KRI1: variants seen among roughly 807,000 people sequenced by gnomAD.
KRI1 encodes the protein KRI1 homolog.
In KRI1, 83 loss-of-function variants were observed where a neutral mutation model predicts 97.0. The observed-to-expected ratio is 0.86, with a 90% confidence interval of 0.72 to 1.03. The LOEUF (loss-of-function observed/expected upper bound fraction) is 1.03. Ranked by LOEUF, KRI1 falls within the 50% of genes least tolerant of loss-of-function variation. KRI1 has a pLI of 0.00. For missense variants in KRI1, 916 were observed against 928.4 expected, an observed-to-expected ratio of 0.99 and a Z score of 0.17; for synonymous variants, 371 against 363.5, an observed-to-expected ratio of 1.02 and a Z score of -0.23.
chr19:10,558,230 C>T lies in KRI1; in HGVS notation c.1204G>A (p.Gly402Arg). The T allele has an allele frequency of 6.2e-7, 1 of 1,614,098 alleles. No individual in the cohort carries two copies. The highest frequency in any genetic ancestry group is 8.5e-7 in the Non-Finnish European group (1 of 1,180,004). Residue 402 changes from glycine to arginine, a missense_variant, in exon 13 of 19, where the codon GGG becomes AGG. Gly to Arg is a moderately radical substitution (Grantham distance 125, BLOSUM62 -2). Transcript: ENST00000312962. ...QHDQLMQKCF[G>R]DEYYGAVEEE... ...TCCACGGCCCCGTAGTACTCGTCCC[C>T]AAAGCACTTCTGCAGGGTCAGGGCT...
chr19:10,560,545 G>T, intron 8 of KRI1, 97 bp from the exon 9 acceptor site: 1 of 854,820 alleles, frequency 1.2e-6, no homozygotes, highest in Admixed American at 2.4e-5. Flanking sequence ...CTCTGGAGTA[G>T]GTGACATTAG....
chr19:10,562,589 T>C, intron 4 of KRI1, 140 bp downstream of exon 4: 1 of 653,862 alleles, frequency 1.5e-6, no homozygotes, highest in Admixed American at 2.4e-5. Flanking sequence ...TGCCTCAGCC[T>C]ACCAAAGTGC....
At chr19:10,560,518 T>C in intron 8 of KRI1, 70 bp from the exon 9 acceptor site, 1 of 1,159,600 alleles carries the variant, frequency 8.6e-7, no homozygotes, top group Non-Finnish European at 1.2e-6. Context: ...GCTCACCACA[T>C]GGACCTCACA....
intron 3 of KRI1, 42 bp downstream of exon 3, chr19:10,564,887 G>T: frequency 7.9e-7 from 1 of 1,272,558 alleles, no homozygotes; most frequent in Non-Finnish European, 1.2e-6. Flanking sequence ...CCCGGATTCT[G>T]CTCCAGAGGA....
At chr19:10,559,269 T>C (rs904958558) in intron 12 of KRI1, 90 bp downstream of exon 12, 19 of 1,428,148 alleles carry the variant, frequency 1.3e-5, no homozygotes, top group African/African-American at 2.8e-5. Flanking sequence ...CCTCCCAAAG[T>C]GCTGGGATTA....
rs117084285 is a variant in KRI1 at position 10,554,648 on chromosome 19, C to T, written c.1782-367G>A. Among the ~76,000 whole-genome samples the T allele has an allele frequency of 8.5e-4, 129 of 152,134 alleles. 1 individual carries two copies. In the South Asian group the frequency reaches 0.014, roughly 16 times the overall value. On this transcript the variant is annotated intron_variant, in intron 18 of 18. Coordinates refer to ENST00000312962, the MANE Select transcript of KRI1 (RefSeq NM_023008.5). Reference sequence around the variant, plus strand: ...GCAGCCTCCAACTCCTGGGCTCAAGCGATCTTCTCGCTTGAGTCTCCCAAA... The same window carrying T: ...GCAGCCTCCAACTCCTGGGCTCAAGTGATCTTCTCGCTTGAGTCTCCCAAA...
At chr19:10,564,637 G>A (rs1364209736) in intron 3 of KRI1, among the ~76,000 whole-genome samples, 1 of 152,120 alleles carries the variant, frequency 6.6e-6, no homozygotes, top group Non-Finnish European at 1.5e-5. Flanking sequence ...CTTGAATAGT[G>A]CCAAGGACAC....
In KRI1 at chr19:10,553,773, T is replaced by A; in HGVS notation, c.*178A>T. ...AGTCTCGCTAAGTTGCCCACGCTGG[T>A]CTCCAATTCCTGGGCTCAAGTGATC... is the stretch of plus-strand genomic sequence containing the variant. On this transcript the variant is annotated 3_prime_UTR_variant, in exon 19 of 19. Transcript: ENST00000312962. The A allele has an allele frequency of 1.7e-6, 1 of 591,260 alleles. No individual in the cohort carries two copies. 36.6% of individuals were successfully genotyped at this position (591,260 alleles called of 1,614,324 possible).
At chr19:10,565,417 T>TA (rs1469139800) in intron 2 of KRI1, 1 of 497,852 alleles carries the variant, frequency 2.0e-6, no homozygotes, top group Non-Finnish European at 3.5e-6. Flanking sequence ...AGGAGTACAC[T>TA]AAAAAATGGC....
At chr19:10,562,348 C>T (rs1260707174) in intron 4 of KRI1, among the ~76,000 whole-genome samples, 1 of 151,582 alleles carries the variant, frequency 6.6e-6, no homozygotes, top group East Asian at 1.9e-4. Flanking sequence ...CCATGCCCGG[C>T]CTTTTTTCTT....
In KRI1 at chr19:10,557,632, C is replaced by T. The variant is rs150629769; in HGVS notation, c.1537G>A (p.Glu513Lys). 11 of 1,614,062 alleles carry T rather than the reference C, an allele frequency of 6.8e-6. No homozygotes were observed. Among genetic ancestry groups the T allele is most frequent in the Non-Finnish European group, 9.3e-6 (11 of 1,180,036 alleles). Reference protein sequence around the residue: ...YLDEYYRLDYEDIIDDLPCRF... With the variant: ...YLDEYYRLDYKDIIDDLPCRF... ...CAGGGCAGGTCGTCGATGATGTCCT[C>T]GTAGTCCAGCCGGTAATACTCATCC... Residue 513 changes from glutamate (E) to lysine (K), a missense_variant, in exon 16 of 19, where the codon GAG becomes AAG. Physicochemically the swap from Glu to Lys is moderately conservative, Grantham distance 56 (BLOSUM62 1). This residue lies in a region of KRI1 where 672 missense variants were observed against 667.2 expected (regional missense o/e 1.01). Coordinates refer to ENST00000312962, the MANE Select transcript of KRI1 (RefSeq NM_023008.5).
chr19:10,561,325 G>A, intron 6 of KRI1, 60 bp from the exon 7 acceptor site: 1 of 1,466,908 alleles, frequency 6.8e-7, no homozygotes, highest in Non-Finnish European at 9.5e-7. Flanking sequence ...TGCTGCCCCA[G>A]TATTTATTTT....
chr19:10,565,370 G>C, intron 2 of KRI1: 2 of 523,942 alleles, frequency 3.8e-6, no homozygotes, highest in African/African-American at 2.0e-5. Flanking sequence ...GCCAGGATCA[G>C]GGCTGATGTG....
At chr19:10,560,061 G>A (rs1256123248) in intron 9 of KRI1, 125 bp from the exon 10 acceptor site, 16 of 1,274,886 alleles carry the variant, frequency 1.3e-5, no homozygotes, top group Non-Finnish European at 1.6e-5. Context: ...CAAGGTGCAC[G>A]CTGCTATTGT....
chr19:10,554,041 C>G lies in KRI1; in HGVS notation c.2022G>C (p.Leu674=). 1 of 1,614,216 alleles carries G rather than the reference C, an allele frequency of 6.2e-7. No individual in the cohort carries two copies. Among genetic ancestry groups the G allele is most frequent in the Non-Finnish European group, 8.5e-7 (1 of 1,180,048 alleles). The change falls in exon 19 of 19, where the codon CTG becomes CTC. Residue 674 remains leucine, a synonymous_variant. Transcript: ENST00000312962. Reference sequence around the variant, plus strand: ...GTTTGGGGTTGAGGCCAAAGGCCTGCAGTCTCTGGCGGCTGAACTCGCATC... The same window carrying G: ...GTTTGGGGTTGAGGCCAAAGGCCTGGAGTCTCTGGCGGCTGAACTCGCATC... The part of the protein sequence containing the change: ...LGGCEFSRQR[L]QAFGLNPKRL...
chr19:10,564,422 T>G (rs1369105808), intron 3 of KRI1, among the ~76,000 whole-genome samples: 1 of 151,682 alleles, frequency 6.6e-6, no homozygotes, highest in African/African-American at 2.4e-5. Context: ...ATCGTCCCAT[T>G]GCAACCCAGC....
rs1226054802 is a variant in KRI1, at chr19:10,560,371, T to A, written c.741A>T (p.Lys247Asn). ...ERFLRDYILN[K>N]RYEEEEEEEE... ...CCTCCTCTTCCTCCTCCTCATAGCG[T>A]TTGTTGAGGATGTAATCCCGCAGGA... is the stretch of plus-strand genomic sequence containing the variant. The change falls in exon 9 of 19, where the codon AAA (lysine) becomes AAT (asparagine). Residue 247 changes from lysine (K) to asparagine (N), a missense_variant. By Grantham distance (94) the Lys-to-Asn change is moderately conservative. Transcript: ENST00000312962. The A allele has an allele frequency of 1.2e-6, 2 of 1,613,464 alleles. No homozygotes were observed. Among genetic ancestry groups the A allele is most frequent in the South Asian group, 1.1e-5 (1 of 90,882 alleles).
In KRI1 at chr19:10,554,161, C is replaced by G. The variant is rs372751419; in HGVS notation, c.1902G>C (p.Glu634Asp). ...TCTTGTGGGGTGATACAGGGGCTTC[C>G]TCTTCCTGTGCTGGGGGACTCTCCG... is the stretch of plus-strand genomic sequence containing the variant. ...MGPESPPAQE[E>D]EAPVSPHKKP... is the part of the protein sequence containing the mutation. Residue 634 changes from glutamate to aspartate, a missense_variant, in exon 19 of 19, where the codon GAG (glutamate) becomes GAC (aspartate). By Grantham distance (45) the Glu-to-Asp change is conservative. This residue lies in a region of KRI1 where 672 missense variants were observed against 667.2 expected (regional missense o/e 1.01). Transcript: ENST00000312962. The G allele has an allele frequency of 1.9e-6, 3 of 1,614,022 alleles. No homozygotes were observed. Among genetic ancestry groups the G allele is most frequent in the African/African-American group, 1.3e-5 (1 of 75,032 alleles).
At position 10,560,237 on chromosome 19, in the gene KRI1, C is replaced by T. The variant is rs550424115; in HGVS notation, c.800+75G>A. On this transcript the variant is annotated intron_variant, in intron 9 of 18. Coordinates refer to ENST00000312962, the MANE Select transcript of KRI1 (RefSeq NM_023008.5). The stretch of plus-strand genomic sequence containing the variant: ...AATACACACATGGTGCCCTCTGCCT[C>T]CTGGCCAGTGCCGCCTGGGAATACT... 8 of 1,496,226 alleles carry T rather than the reference C, an allele frequency of 5.3e-6. No homozygotes were observed. The African/African-American group carries it at 1.1e-4, about 21-fold the overall frequency. The allele number at this position is 1,496,226 out of a possible 1,614,324, so 92.7% of individuals were successfully genotyped here.
Sources: allele counts gnomAD v4.1 joint callset (sites outside exome capture counted in the v4.1 genomes callset), GRCh38; gene constraint gnomAD v4.1.1; regional missense constraint gnomAD v4.1.1; transcripts MANE v1.5; gene names NCBI Gene and HGNC (gene_info 2026-07-23, HGNC 2026-07-21).